MACROD2: variants seen among roughly 807,000 people sequenced by gnomAD.
The protein encoded by MACROD2 is ADP-ribose glycohydrolase MACROD2.
Under a neutral mutation model 70.4 loss-of-function variants are expected in MACROD2, and 36 were observed. That is an observed-to-expected ratio of 0.51 (90% CI 0.39 to 0.68). MACROD2 has a LOEUF of 0.68. Ranked by LOEUF, MACROD2 falls within the 30% of genes least tolerant of loss-of-function variation. The pLI is 0.00. For synonymous variants in MACROD2, 172 were observed against 178.8 expected (o/e 0.96, Z 0.30); for missense variants, 496 against 538.4 (o/e 0.92, Z 0.78).
chr20:15,598,035 TG>T (rs2048768706), intron 8 of MACROD2, among the ~76,000 whole-genome samples: 1 of 19,006 alleles, frequency 5.3e-5, no homozygotes, highest in East Asian at 1.2e-3. Context: ...GCCAAGATTG[TG>T]CCCACTGCAC....
intron 6 of MACROD2, among the ~76,000 whole-genome samples, chr20:15,278,975 A>C (rs1454099595): frequency 6.6e-6 from 1 of 152,136 alleles, no homozygotes; most frequent in Non-Finnish European, 1.5e-5. Flanking sequence ...TTGCAGTCTG[A>C]CTATTCCATT....
chr20:15,892,029 AC>A (rs2064896999), intron 10 of MACROD2, among the ~76,000 whole-genome samples: 1 of 152,200 alleles, frequency 6.6e-6, no homozygotes, highest in Non-Finnish European at 1.5e-5. Flanking sequence ...GAGGGATACA[AC>A]CAGCTCATGA....
chr20:14,547,008 C>T (rs1282281188), intron 4 of MACROD2, among the ~76,000 whole-genome samples: 1 of 151,910 alleles, frequency 6.6e-6, no homozygotes. Context: ...CCTACTTTGC[C>T]CCCTAAGTTT....
chr20:14,277,187 C>T (rs778079776), intron 3 of MACROD2, among the ~76,000 whole-genome samples: 6 of 151,434 alleles, frequency 4.0e-5, no homozygotes, highest in Non-Finnish European at 7.4e-5. Context: ...CTGTGGCTCA[C>T]GCCTGTAATC....
intron 5 of MACROD2, among the ~76,000 whole-genome samples, chr20:14,997,270 C>G (rs1273457272): frequency 6.6e-6 from 1 of 152,026 alleles, no homozygotes; most frequent in African/African-American, 2.4e-5. Flanking sequence ...ATTCTGGGCC[C>G]TAGCTCCCAG....
At chr20:15,491,317 G>A (rs2047229076) in intron 7 of MACROD2, among the ~76,000 whole-genome samples, 1 of 152,156 alleles carries the variant, frequency 6.6e-6, no homozygotes, top group Admixed American at 6.5e-5. Flanking sequence ...CTGTGCATGT[G>A]CTAGAGGTTA....
chr20:14,722,812 A>G (rs2071485512), intron 5 of MACROD2, among the ~76,000 whole-genome samples: 1 of 152,230 alleles, frequency 6.6e-6, no homozygotes, highest in Non-Finnish European at 1.5e-5. Context: ...GCTTCTTAGT[A>G]GCACTTTCTC....
chr20:14,862,172 T>TATATAAATATATATAA lies in MACROD2; in HGVS notation c.418+177218_418+177219insAATATATATAAATATA, dbSNP rs1568839344. On this transcript the variant is annotated intron_variant, in intron 5 of 17. Coordinates refer to ENST00000684519, the MANE Select transcript of MACROD2 (RefSeq NM_001351661.2). ...ACATAAATATATAAATATATATAAA[T>TATATAAATATATATAA]ATATATAAATATATATTTATACATA... 1.6e-3 allele frequency among the ~76,000 whole-genome samples: 10 copies of TATATAAATATATATAA among 6,218 alleles called. 1 individual carries two copies. Among genetic ancestry groups the TATATAAATATATATAA allele is most frequent in the African/African-American group, 7.2e-3 (8 of 1,114 alleles). 4.1% of individuals were successfully genotyped at this position (6,218 alleles called of 152,430 possible). A position where few individuals can be genotyped will look rare whatever the true frequency, so the allele number is the denominator to read the frequency against.
At chr20:15,056,679 C>T (rs2075488375) in intron 5 of MACROD2, among the ~76,000 whole-genome samples, 1 of 151,682 alleles carries the variant, frequency 6.6e-6, no homozygotes, top group African/African-American at 2.4e-5. Flanking sequence ...GTAAGGAAGA[C>T]TAAATCATGG....
At chr20:14,921,681 G>A (rs76069870) in intron 5 of MACROD2, among the ~76,000 whole-genome samples, 3,207 of 152,226 alleles carry the variant, frequency 0.021, 79 homozygotes, top group African/African-American at 0.071. Flanking sequence ...TTTGCAGGCT[G>A]GGGCTTTGCC....
chr20:15,217,945 G>A (rs565030603), intron 5 of MACROD2, among the ~76,000 whole-genome samples: 52 of 152,106 alleles, frequency 3.4e-4, no homozygotes, highest in African/African-American at 1.1e-3. Flanking sequence ...TCTTAGTCTC[G>A]TAATGAATTA....
chr20:15,937,217 A>G (rs952751882), intron 11 of MACROD2, among the ~76,000 whole-genome samples: 40 of 152,216 alleles, frequency 2.6e-4, no homozygotes, highest in Admixed American at 1.6e-3. Flanking sequence ...AAAGGATACT[A>G]CTAGCAACAA....
intron 5 of MACROD2, among the ~76,000 whole-genome samples, chr20:15,133,413 A>G (rs1353859107): frequency 6.6e-6 from 1 of 152,158 alleles, no homozygotes; most frequent in African/African-American, 2.4e-5. Context: ...TTTAAACATA[A>G]ATTGTTGGTA....
At chr20:14,295,251 A>G (rs573497912) in intron 3 of MACROD2, among the ~76,000 whole-genome samples, 6 of 152,036 alleles carry the variant, frequency 3.9e-5, no homozygotes, top group East Asian at 1.9e-4. Context: ...ACTTCTTTCC[A>G]TGAAGGTTTA....
At chr20:15,216,422 AAAAAT>A (rs988938988) in intron 5 of MACROD2, among the ~76,000 whole-genome samples, 1 of 152,160 alleles carries the variant, frequency 6.6e-6, no homozygotes, top group African/African-American at 2.4e-5. Flanking sequence ...GGAAAGGAGA[AAAAAT>A]AAAAATAAAA....
intron 3 of MACROD2, among the ~76,000 whole-genome samples, chr20:14,436,654 A>G (rs957390296): frequency 6.6e-6 from 1 of 152,224 alleles, no homozygotes; most frequent in Non-Finnish European, 1.5e-5. Flanking sequence ...TGGGTTAAAA[A>G]TGAATTAAAC....
chr20:14,974,611 G>A (rs2074721758), intron 5 of MACROD2, among the ~76,000 whole-genome samples: 1 of 151,980 alleles, frequency 6.6e-6, no homozygotes, highest in Non-Finnish European at 1.5e-5. Context: ...AGAAAGGGAG[G>A]GTCATGTAGT....
intron 5 of MACROD2, among the ~76,000 whole-genome samples, chr20:14,760,714 C>T (rs1185609044): frequency 2.6e-5 from 4 of 152,066 alleles, no homozygotes; most frequent in Admixed American, 2.0e-4. Flanking sequence ...AGAAAGTGAA[C>T]ATATGCCCTT....
chr20:14,393,269 GTC>G (rs1294101567), intron 3 of MACROD2, among the ~76,000 whole-genome samples: 2 of 152,220 alleles, frequency 1.3e-5, no homozygotes, highest in Non-Finnish European at 2.9e-5. Context: ...TTGATATGGA[GTC>G]TCTTTCTTTC....
Sources: gnomAD v4.1 joint callset for allele counts (sites outside exome capture counted in the v4.1 genomes callset) on GRCh38, gnomAD v4.1.1 for gene constraint, MANE v1.5 for transcripts, NCBI Gene and HGNC (gene_info 2026-07-23, HGNC 2026-07-21) for gene names.